STK31: variants seen among roughly 807,000 people sequenced by gnomAD.
STK31 encodes serine/threonine-protein kinase 31.
A neutral mutation model predicts 129.7 loss-of-function variants in STK31; 89 were observed. The ratio of observed to expected loss-of-function variants is 0.69; its 90% CI spans 0.58 to 0.82. The LOEUF (loss-of-function observed/expected upper bound fraction) is 0.82. Ranked by LOEUF, STK31 falls within the 40% of genes least tolerant of loss-of-function variation. STK31 has a pLI of 0.00. For synonymous variants in STK31, 448 were observed against 395.3 expected, an observed-to-expected ratio of 1.13 and a Z score of -1.58; for missense variants, 1,187 against 1,176.4, an observed-to-expected ratio of 1.01 and a Z score of -0.13.
intron 22 of STK31, among the ~76,000 whole-genome samples, chr7:23,814,771 T>G (rs905662698): frequency 1.2e-4 from 19 of 152,174 alleles, no homozygotes; most frequent in African/African-American, 4.6e-4. Flanking sequence ...TAGCTTATAT[T>G]TCTTGAACAA....
At chr7:23,802,035 A>G (rs2128121081) in intron 22 of STK31, among the ~76,000 whole-genome samples, 1 of 152,224 alleles carries the variant, frequency 6.6e-6, no homozygotes, top group East Asian at 1.9e-4. Context: ...TTTATATTTT[A>G]CATCTTACCT....
chr7:23,717,166 T>TCATCTTTTA (rs1786394711), intron 3 of STK31, among the ~76,000 whole-genome samples: 1 of 140,980 alleles, frequency 7.1e-6, no homozygotes, highest in Non-Finnish European at 1.5e-5. Context: ...TGTCCCAGGA[T>TCATCTTTTA]CATCTTTTAT....
At chr7:23,784,943 A>T (rs1269656517) in intron 17 of STK31, among the ~76,000 whole-genome samples, 1 of 152,122 alleles carries the variant, frequency 6.6e-6, no homozygotes, top group Non-Finnish European at 1.5e-5. Flanking sequence ...TTTGATACCT[A>T]CATTTTTGTC....
intron 14 of STK31, chr7:23,771,634 A>C (rs1210335083): frequency 1.3e-5 from 2 of 152,962 alleles, no homozygotes; most frequent in Non-Finnish European, 2.9e-5. Flanking sequence ...GATGTACAAC[A>C]ACATTAACCT....
At chr7:23,792,758 A>C (rs1791718804) in intron 22 of STK31, among the ~76,000 whole-genome samples, 1 of 152,206 alleles carries the variant, frequency 6.6e-6, no homozygotes, top group African/African-American at 2.4e-5. Context: ...GTGGTGGTTC[A>C]AAACTGTAAT....
chr7:23,719,640 A>T (rs1019449352), intron 4 of STK31, among the ~76,000 whole-genome samples: 9 of 152,132 alleles, frequency 5.9e-5, no homozygotes, highest in South Asian at 2.1e-4. Context: ...ATCTAAGAAT[A>T]ACTGTAGAAA....
At chr7:23,753,743 A>T (rs1159852443) in intron 9 of STK31, among the ~76,000 whole-genome samples, 9 of 152,128 alleles carry the variant, frequency 5.9e-5, no homozygotes, top group Non-Finnish European at 1.0e-4. Flanking sequence ...TGGGTAAATA[A>T]TTATCTTTGT....
intron 6 of STK31, 87 bp from the exon 7 acceptor site, chr7:23,735,451 A>G (rs570237262): frequency 2.4e-5 from 29 of 1,196,954 alleles, no homozygotes; most frequent in Non-Finnish European, 3.3e-5. Flanking sequence ...GAATGAAGAA[A>G]TATGATGCTT....
At position 23,769,076 on chromosome 7, in the gene STK31, G is replaced by T; in HGVS notation, c.1498G>T (p.Asp500Tyr). 1 of 1,613,226 alleles carries T rather than the reference G, an allele frequency of 6.2e-7. No homozygotes were observed. The highest frequency in any genetic ancestry group is 1.1e-5 in the South Asian group (1 of 90,854). The stretch of plus-strand genomic sequence containing the variant: ...TGATGAAATACTTAAAAAATTTTAT[G>T]ACTGGAAGTGTGATAAAAGAGAGGA... ...NSDEILKKFY[D>Y]WKCDKREEFT... Residue 500 changes from aspartate to tyrosine, a missense_variant, in exon 12 of 24, where the codon GAC (aspartate) becomes TAC (tyrosine). Coordinates refer to ENST00000355870, the MANE Select transcript of STK31 (RefSeq NM_031414.5).
At chr7:23,765,032 T>C (rs1186725870) in intron 11 of STK31, among the ~76,000 whole-genome samples, 1 of 151,902 alleles carries the variant, frequency 6.6e-6, no homozygotes, top group Non-Finnish European at 1.5e-5. Flanking sequence ...GCAACATCTT[T>C]TCTTTTTTTC....
intron 4 of STK31, chr7:23,722,600 A>G (rs558523136): frequency 2.0e-5 from 3 of 152,060 alleles, no homozygotes; most frequent in Non-Finnish European, 4.4e-5. Flanking sequence ...GAGAACCACT[A>G]CTCTCTTCAA....
At chr7:23,813,188 A>G (rs1233419405) in intron 22 of STK31, among the ~76,000 whole-genome samples, 5 of 149,478 alleles carry the variant, frequency 3.3e-5, no homozygotes, top group East Asian at 3.9e-4. Context: ...TGTCATTTCA[A>G]TTTATCCCAT....
chr7:23,769,488 A>C (rs577909186), intron 12 of STK31, 152 bp from the exon 13 acceptor site: 6 of 553,726 alleles, frequency 1.1e-5, no homozygotes, highest in East Asian at 2.9e-5. Flanking sequence ...TCAGTGCATA[A>C]ATTTTATGAG....
At chr7:23,807,833 CTAA>C (rs1792809325) in intron 22 of STK31, among the ~76,000 whole-genome samples, 4 of 151,938 alleles carry the variant, frequency 2.6e-5, no homozygotes, top group Admixed American at 2.6e-4. Flanking sequence ...TTCAGTCCAC[CTAA>C]TGAGTTTTAA....
intron 22 of STK31, among the ~76,000 whole-genome samples, chr7:23,813,927 G>A (rs1267965802): frequency 3.3e-5 from 5 of 151,978 alleles, no homozygotes; most frequent in African/African-American, 1.2e-4. Context: ...GGTGCCTGTG[G>A]CCTCGTTGGT....
At chr7:23,768,299 A>G (rs542664906) in intron 11 of STK31, among the ~76,000 whole-genome samples, 2 of 152,318 alleles carry the variant, frequency 1.3e-5, no homozygotes, top group South Asian at 4.1e-4. Flanking sequence ...TAGTAAATTT[A>G]TACCATCTAG....
intron 23 of STK31, among the ~76,000 whole-genome samples, chr7:23,821,524 G>A (rs1290815720): frequency 1.3e-5 from 2 of 151,748 alleles, no homozygotes; most frequent in Non-Finnish European, 2.9e-5. Flanking sequence ...TTTCCCTGTC[G>A]AGTTTCTTGT....
chr7:23,793,982 T>G (rs2128116234), intron 22 of STK31, among the ~76,000 whole-genome samples: 1 of 152,306 alleles, frequency 6.6e-6, no homozygotes, highest in Admixed American at 6.5e-5. Flanking sequence ...CAACTCAAAG[T>G]CCATCAACAG....
chr7:23,735,464 A>G lies in STK31; in HGVS notation c.484-74A>G, dbSNP rs574793090. The G allele has an allele frequency of 3.6e-5, 48 of 1,336,786 alleles. No homozygotes were observed. The South Asian group carries it at 6.5e-4, about 18-fold the overall frequency. The allele number at this position is 1,336,786 out of a possible 1,614,324, so 82.8% of individuals were successfully genotyped here. On this transcript the variant is annotated intron_variant, in intron 6 of 23. Transcript: ENST00000355870. The stretch of plus-strand genomic sequence containing the variant: ...TAGAATGAAGAAATATGATGCTTGG[A>G]AAAAATGGGTAGGAACAAAATAAGG...
Sources: allele counts gnomAD v4.1 joint callset (sites outside exome capture counted in the v4.1 genomes callset), GRCh38; gene constraint gnomAD v4.1.1; transcripts MANE v1.5; gene names NCBI Gene and HGNC (gene_info 2026-07-23, HGNC 2026-07-21).